DTL: variants seen among roughly 807,000 people sequenced by gnomAD.
The protein encoded by DTL is denticleless protein homolog.
DTL carries 46 observed loss-of-function variants against 87.0 expected under a neutral mutation model. The ratio of observed to expected loss-of-function variants is 0.53; its 90% CI spans 0.42 to 0.68. The LOEUF (loss-of-function observed/expected upper bound fraction) is 0.68. Among genes scored for constraint, DTL ranks in the 30% least tolerant of loss-of-function variants. The pLI is 0.00. For synonymous variants in DTL, 308 were observed against 311.2 expected, an observed-to-expected ratio of 0.99 and a Z score of 0.11; for missense variants, 737 against 869.4, an observed-to-expected ratio of 0.85 and a Z score of 1.91.
chr1:212,067,859 T>A (rs1430836508), intron 8 of DTL, among the ~76,000 whole-genome samples: 1 of 152,212 alleles, frequency 6.6e-6, no homozygotes, highest in Non-Finnish European at 1.5e-5. Context: ...GGGACAGAAC[T>A]TGCTACTTAT....
chr1:212,051,685 G>GTTTCAGGAAGCTATC (rs1408984298), intron 5 of DTL: 1 of 1,058,072 alleles, frequency 9.5e-7, no homozygotes, highest in African/African-American at 1.6e-5. Flanking sequence ...TCCTTCACAC[G>GTTTCAGGAAGCTATC]TTTCAGGAAG....
intron 1 of DTL, among the ~76,000 whole-genome samples, chr1:212,037,761 T>C (rs1578991): frequency 0.76 from 115,786 of 152,120 alleles, 44,451 homozygotes; most frequent in South Asian, 0.8. Context: ...GTCATAGTGG[T>C]GGTGGGCTAA....
intron 5 of DTL, chr1:212,052,050 C>T: frequency 1.0e-6 from 1 of 996,628 alleles, no homozygotes; most frequent in Non-Finnish European, 1.6e-6. Context: ...CGAAAAGAAG[C>T]TGGATATGAA....
Position 212,065,024 on chromosome 1 carries a change from T to G in DTL, c.634T>G (p.Ser212Ala). Reference protein sequence around the residue: ...KKQNSKGLAPSVDFQQSVTVV... With the variant: ...KKQNSKGLAPAVDFQQSVTVV... ...ACAGAATTCAAAAGGACTTGCTCCT[T>G]CTGTGGTAAGGTTTTACAGATGTAT... The change falls in exon 7 of 15, where the codon TCT becomes GCT. Residue 212 changes from serine to alanine, a missense_variant. Coordinates refer to ENST00000366991, the MANE Select transcript of DTL (RefSeq NM_016448.4). The G allele has an allele frequency of 6.2e-7, 1 of 1,611,504 alleles. No homozygotes were observed. The highest frequency in any genetic ancestry group is 8.5e-7 in the Non-Finnish European group (1 of 1,177,700).
At chr1:212,070,749 T>A (rs767761046) in intron 10 of DTL, among the ~76,000 whole-genome samples, 1 of 152,166 alleles carries the variant, frequency 6.6e-6, no homozygotes, top group Non-Finnish European at 1.5e-5. Flanking sequence ...GTTTATATGT[T>A]CATAAGGATG....
In DTL at chr1:212,068,372, T is replaced by C. The variant is rs1472918156; in HGVS notation, c.817+45T>C. The C allele has an allele frequency of 3.6e-5, 34 of 952,766 alleles. No individual in the cohort carries two copies. In the East Asian group the frequency reaches 7.9e-4, roughly 22 times the overall value. The allele number at this position is 952,766 out of a possible 1,614,324, so 59.0% of individuals were successfully genotyped here. A position where few individuals can be genotyped will look rare whatever the true frequency, so the allele number is the denominator to read the frequency against. ...TTTGGGGGAGATAAGAGTTTTTGTTTAAAAAAAAAAAAAAAGGCTAATTTC... is the reference window on the plus strand; with the variant it reads ...TTTGGGGGAGATAAGAGTTTTTGTTCAAAAAAAAAAAAAAAGGCTAATTTC... On this transcript the variant is annotated intron_variant, in intron 9 of 14. Transcript: ENST00000366991.
At chr1:212,078,395 G>A in intron 12 of DTL, 133 bp downstream of exon 12, 1 of 607,608 alleles carries the variant, frequency 1.6e-6, no homozygotes, top group Non-Finnish European at 2.9e-6. Flanking sequence ...GGCCATCCAG[G>A]ATCTATATTC....
rs2102530642 is a variant in DTL, at chr1:212,047,405, A to G, written c.448A>G (p.Lys150Glu). Residue 150 changes from lysine (K) to glutamate (E), a missense_variant, in exon 5 of 15, where the codon AAG (lysine) becomes GAG (glutamate). Physicochemically the swap from Lys to Glu is moderately conservative, Grantham distance 56. Transcript: ENST00000366991. ...QCSLKSVAFS[K>E]FEKAVFCTGG... ...CAGCCTCAAGTCAGTTGCCTTTTCTAAGTTTGAGAAAGGTAGGTTTGTGCT... is the reference window on the plus strand; with the variant it reads ...CAGCCTCAAGTCAGTTGCCTTTTCTGAGTTTGAGAAAGGTAGGTTTGTGCT... 1 of 1,614,186 alleles carries G rather than the reference A, an allele frequency of 6.2e-7. No homozygotes were observed. The highest frequency in any genetic ancestry group is 8.5e-7 in the Non-Finnish European group (1 of 1,180,010).
chr1:212,101,160 G>C, intron 14 of DTL, 76 bp downstream of exon 14: 1 of 748,418 alleles, frequency 1.3e-6, no homozygotes, highest in Non-Finnish European at 1.8e-6. Flanking sequence ...AAGTCAGGAT[G>C]CTTTTTTTTT....
intron 6 of DTL, among the ~76,000 whole-genome samples, chr1:212,063,325 G>C (rs1242640185): frequency 6.9e-6 from 1 of 145,678 alleles, no homozygotes; most frequent in Non-Finnish European, 1.5e-5. Context: ...TGGAGTCTCT[G>C]TCACCCAGGC....
intron 12 of DTL, among the ~76,000 whole-genome samples, chr1:212,079,019 T>C (rs1282452057): frequency 6.6e-6 from 1 of 152,178 alleles, no homozygotes. Flanking sequence ...TGTTGCCTAT[T>C]GTTCCCATCT....
intron 5 of DTL, among the ~76,000 whole-genome samples, chr1:212,054,506 A>T (rs1668101106): frequency 1.3e-5 from 2 of 151,892 alleles, no homozygotes; most frequent in Admixed American, 1.3e-4. Flanking sequence ...GTTTAAGAGG[A>T]AAGTGGGCCA....
In DTL at chr1:212,048,296, C is replaced by G. The variant is rs552575283; in HGVS notation, c.460+879C>G. ...CCTCCATCCCCCGGGTTCAAGCAATCCTCTCCCTCAGCGTCCCAAGTACCT... is the reference window on the plus strand; with the variant it reads ...CCTCCATCCCCCGGGTTCAAGCAATGCTCTCCCTCAGCGTCCCAAGTACCT... On this transcript the variant is annotated intron_variant, in intron 5 of 14. Transcript: ENST00000366991. 1.9e-4 allele frequency among the ~76,000 whole-genome samples: 29 copies of G among 152,120 alleles called. No individual in the cohort carries two copies. The South Asian group carries it at 5.8e-3, about 30-fold the overall frequency.
intron 13 of DTL, among the ~76,000 whole-genome samples, chr1:212,084,467 T>TAAA (rs1274648299): frequency 3.3e-5 from 5 of 152,186 alleles, no homozygotes; most frequent in Non-Finnish European, 7.4e-5. Flanking sequence ...ATTACAGGCG[T>TAAA]GAGCCACCGT....
At chr1:212,097,052 C>T (rs1655473343) in intron 13 of DTL, among the ~76,000 whole-genome samples, 1 of 152,086 alleles carries the variant, frequency 6.6e-6, no homozygotes, top group African/African-American at 2.4e-5. Context: ...TTGGTAGTGG[C>T]AAATTCTCTC....
chr1:212,081,946 G>T (rs1383331016), intron 13 of DTL, among the ~76,000 whole-genome samples: 1 of 152,196 alleles, frequency 6.6e-6, no homozygotes, highest in Non-Finnish European at 1.5e-5. Context: ...CAGGGTTGAA[G>T]TTGCAGATGT....
At chr1:212,093,157 C>A (rs968882986) in intron 13 of DTL, among the ~76,000 whole-genome samples, 1 of 152,014 alleles carries the variant, frequency 6.6e-6, no homozygotes, top group Non-Finnish European at 1.5e-5. Flanking sequence ...GCAGGGCGTG[C>A]GATGAGGGTG....
chr1:212,091,233 A>G (rs1297265453), intron 13 of DTL, among the ~76,000 whole-genome samples: 2 of 152,238 alleles, frequency 1.3e-5, no homozygotes, highest in Non-Finnish European at 2.9e-5. Context: ...AGGGAAATGT[A>G]AATCAAAACC....
intron 13 of DTL, among the ~76,000 whole-genome samples, chr1:212,099,874 C>T (rs1447746983): frequency 1.3e-5 from 2 of 152,186 alleles, no homozygotes; most frequent in Non-Finnish European, 2.9e-5. Context: ...TGCCTCCTAT[C>T]TGCCACTTTC....
Sources: gnomAD v4.1 joint callset for allele counts (sites outside exome capture counted in the v4.1 genomes callset) on GRCh38, gnomAD v4.1.1 for gene constraint, MANE v1.5 for transcripts, NCBI Gene and HGNC (gene_info 2026-07-23, HGNC 2026-07-21) for gene names.